The following NUFIP2 variants were observed in gnomAD, a reference collection of about 807,000 sequenced individuals.
The protein encoded by NUFIP2 is nuclear FMR1 interacting protein 2.
In NUFIP2, 6 loss-of-function variants were observed where a neutral mutation model predicts 56.9. The observed-to-expected ratio is 0.11, with a 90% CI of 0.06 to 0.21. The LOEUF is 0.21. Ranked by LOEUF, NUFIP2 falls within the 10% of genes least tolerant of loss-of-function variation. NUFIP2 has a pLI of 1.00. For synonymous variants in NUFIP2, 321 were observed against 298.2 expected, an observed-to-expected ratio of 1.08 and a Z score of -0.79; for missense variants, 828 against 826.8, an observed-to-expected ratio of 1.00 and a Z score of -0.02.
rs769232294 is a variant in NUFIP2 at position 29,293,918 on chromosome 17, G to A, written c.142C>T (p.His48Tyr). Residue 48 changes from histidine to tyrosine, a missense_variant, in exon 1 of 4, where the codon CAC (histidine) becomes TAC (tyrosine). Physicochemically the swap from His to Tyr is moderately conservative, Grantham distance 83. Transcript: ENST00000225388. ...FYNHSHNHHH[H>Y]HHHQQPHQYL... The stretch of plus-strand genomic sequence containing the variant: ...TGGTGAGGCTGCTGGTGATGATGGT[G>A]GTGGTGGTGGTTGTGGCTGTGGTTG... 7.4e-6 allele frequency: 12 copies of A among 1,613,936 alleles called. No homozygotes were observed. Among genetic ancestry groups the A allele is most frequent in the Non-Finnish European group, 1.0e-5 (12 of 1,179,854 alleles).
chr17:29,276,665 T>C (rs934397265), intron 2 of NUFIP2, among the ~76,000 whole-genome samples: 2 of 152,198 alleles, frequency 1.3e-5, no homozygotes, highest in Non-Finnish European at 2.9e-5. Context: ...TCTTTCCATA[T>C]GTTTCACTAT....
chr17:29,278,255 A>ATT (rs201439121), intron 2 of NUFIP2, among the ~76,000 whole-genome samples: 11 of 149,676 alleles, frequency 7.3e-5, no homozygotes, highest in African/African-American at 2.7e-4. Context: ...CTTTATTATT[A>ATT]TTTTTTTTTG....
chr17:29,273,254 G>T (rs925406110), intron 2 of NUFIP2, among the ~76,000 whole-genome samples: 1 of 152,090 alleles, frequency 6.6e-6, no homozygotes, highest in Non-Finnish European at 1.5e-5. Flanking sequence ...GGCCAGGCTG[G>T]TCTTGGAACT....
At chr17:29,292,189 CT>C (rs910773465) in intron 1 of NUFIP2, among the ~76,000 whole-genome samples, 1 of 152,108 alleles carries the variant, frequency 6.6e-6, no homozygotes, top group East Asian at 1.9e-4. Flanking sequence ...AAACACCTTT[CT>C]TTTTAACACG....
intron 3 of NUFIP2, 147 bp downstream of exon 3, chr17:29,267,351 G>A: frequency 1.9e-6 from 1 of 539,198 alleles, no homozygotes; most frequent in Non-Finnish European, 3.3e-6. Context: ...ACCCTGCCCA[G>A]CTGCTAGTGC....
chr17:29,272,439 A>G (rs923679890), intron 2 of NUFIP2, among the ~76,000 whole-genome samples: 1 of 151,956 alleles, frequency 6.6e-6, no homozygotes, highest in Non-Finnish European at 1.5e-5. Flanking sequence ...ACGGGGTTTC[A>G]CCGTGTTAGC....
Position 29,286,573 on chromosome 17 carries a change from T to G in NUFIP2, c.1421A>C (p.Tyr474Ser). The change falls in exon 2 of 4, where the codon TAT becomes TCT. Residue 474 changes from tyrosine (Y) to serine (S), a missense_variant. Around this residue, in one of 3 missense-constraint regions of NUFIP2, gnomAD observed 404 missense variants for 380.3 expected, o/e 1.06. Transcript: ENST00000225388. ...VEQIKTSLFI[Y>S]PSNMQTMLLS... ...CAGCATAGTTTGCATATTTGAAGGATAGATAAAAAGGCTAGTCTTAATTTG... is the reference window on the plus strand; with the variant it reads ...CAGCATAGTTTGCATATTTGAAGGAGAGATAAAAAGGCTAGTCTTAATTTG... 6.2e-7 allele frequency: 1 copy of G among 1,614,148 alleles called. No individual in the cohort carries two copies. Among genetic ancestry groups the G allele is most frequent in the African/African-American group, 1.3e-5 (1 of 75,024 alleles).
In NUFIP2 at chr17:29,286,675, G is replaced by C. The variant is rs766064958; in HGVS notation, c.1319C>G (p.Ala440Gly). Reference protein sequence around the residue: ...PGGQPLLTTAANTLTPISSGT... With the variant: ...PGGQPLLTTAGNTLTPISSGT... ...AGAAGAGATGGGTGTTAGAGTATTA[G>C]CAGCAGTAGTTAGCAGTGGCTGACC... Residue 440 changes from alanine to glycine, a missense_variant, in exon 2 of 4, where the codon GCT (alanine) becomes GGT (glycine). By Grantham distance (60) the Ala-to-Gly change is moderately conservative (BLOSUM62 0). Coordinates refer to ENST00000225388, the MANE Select transcript of NUFIP2 (RefSeq NM_020772.3). The C allele has an allele frequency of 1.2e-5, 20 of 1,614,040 alleles. No homozygotes were observed. In the Admixed American group the frequency reaches 3.0e-4, roughly 24 times the overall value.
intron 2 of NUFIP2, among the ~76,000 whole-genome samples, chr17:29,278,873 A>G (rs11658580): frequency 0.23 from 34,219 of 152,072 alleles, 4,316 homozygotes; most frequent in South Asian, 0.35. Context: ...CAGTATGGGT[A>G]CTAAACAGCC....
intron 2 of NUFIP2, among the ~76,000 whole-genome samples, chr17:29,273,701 A>G (rs1028228729): frequency 1.3e-5 from 2 of 152,226 alleles, no homozygotes; most frequent in Non-Finnish European, 1.5e-5. Flanking sequence ...GAACCTAAGT[A>G]AAAGTTTTTG....
At chr17:29,270,525 CAA>C (rs879693008) in intron 2 of NUFIP2, among the ~76,000 whole-genome samples, 2 of 143,846 alleles carry the variant, frequency 1.4e-5, no homozygotes, top group African/African-American at 5.1e-5. Context: ...TGACCTACTG[CAA>C]AAAAAAAAAT....
chr17:29,279,801 C>T (rs935877733), intron 2 of NUFIP2, among the ~76,000 whole-genome samples: 2 of 152,190 alleles, frequency 1.3e-5, no homozygotes, highest in South Asian at 2.1e-4. Flanking sequence ...GCAAGAGCCA[C>T]AGTACCCAGA....
intron 2 of NUFIP2, among the ~76,000 whole-genome samples, chr17:29,273,211 G>A (rs1407486878): frequency 1.3e-5 from 2 of 152,056 alleles, no homozygotes; most frequent in Non-Finnish European, 2.9e-5. Flanking sequence ...GCTAATTTTT[G>A]TAGTTTTAGT....
intron 2 of NUFIP2, among the ~76,000 whole-genome samples, chr17:29,268,736 T>A (rs1313731563): frequency 6.6e-6 from 1 of 151,848 alleles, no homozygotes; most frequent in African/African-American, 2.4e-5. Flanking sequence ...TCCTTGTTTG[T>A]GAGGCTGGTC....
rs1567673820 is a variant in NUFIP2, at chr17:29,260,920, C to CA, written c.*3618_*3619insT. On this transcript the variant is annotated 3_prime_UTR_variant, in exon 4 of 4. Transcript: ENST00000225388. The stretch of plus-strand genomic sequence containing the variant: ...TTAAATTCCTAGTTATTGGCTATCC[C>CA]CTCCTAGAAAGTAGAGGAGGAAGGG... The CA allele has an allele frequency of 2.6e-5, 4 of 152,048 alleles. No homozygotes were observed. Among genetic ancestry groups the CA allele is most frequent in the Non-Finnish European group, 5.9e-5 (4 of 67,960 alleles). The allele number at this position is 152,048 out of a possible 1,614,324, so 9.4% of individuals were successfully genotyped here. A position where few individuals can be genotyped will look rare whatever the true frequency, so the allele number is the denominator to read the frequency against.
rs528420902 is a variant in NUFIP2, at chr17:29,262,370, CTTT to C, written c.*2166_*2168del. On this transcript the variant is annotated 3_prime_UTR_variant, in exon 4 of 4. Coordinates refer to ENST00000225388, the MANE Select transcript of NUFIP2 (RefSeq NM_020772.3). ...TTTCCCTTTAATCAACCTTATATGT[CTTT>C]TTTTTTAACTTTTTGAAAATTTTTA... 2 of 150,926 alleles carry C rather than the reference CTTT, an allele frequency of 1.3e-5. No homozygotes were observed. Among genetic ancestry groups the C allele is most frequent in the African/African-American group, 2.4e-5 (1 of 40,922 alleles). 9.3% of individuals were successfully genotyped at this position (150,926 alleles called of 1,614,324 possible).
At chr17:29,264,833 C>CT (rs2153010638) in intron 3 of NUFIP2, among the ~76,000 whole-genome samples, 1 of 152,246 alleles carries the variant, frequency 6.6e-6, no homozygotes, top group African/African-American at 2.4e-5. Flanking sequence ...GCCTCAACTC[C>CT]TGCAGATCAG....
intron 1 of NUFIP2, among the ~76,000 whole-genome samples, chr17:29,293,351 G>A (rs1009260993): frequency 3.3e-5 from 5 of 151,986 alleles, no homozygotes; most frequent in Non-Finnish European, 5.9e-5. Flanking sequence ...AAAGGGTCTC[G>A]CGACACCATC....
intron 2 of NUFIP2, among the ~76,000 whole-genome samples, chr17:29,272,207 A>C (rs1254406460): frequency 6.6e-6 from 1 of 151,316 alleles, no homozygotes; most frequent in African/African-American, 2.4e-5. Context: ...GGTTACAAAA[A>C]TCTCAATTCA....
Sources: gnomAD v4.1 joint callset for allele counts (sites outside exome capture counted in the v4.1 genomes callset) on GRCh38, gnomAD v4.1.1 for gene constraint, gnomAD v4.1.1 regional missense constraint, MANE v1.5 for transcripts, NCBI Gene and HGNC (gene_info 2026-07-23, HGNC 2026-07-21) for gene names.